Variants in CAMTA1 observed in about 807,000 individuals in gnomAD.
CAMTA1 encodes calmodulin binding transcription activator 1.
A neutral mutation model predicts 170.9 loss-of-function variants in CAMTA1; 27 were observed. The observed-to-expected ratio is 0.16, with a 90% CI of 0.12 to 0.22. CAMTA1 has a LOEUF of 0.22. Among genes scored for constraint, CAMTA1 ranks in the 10% least tolerant of loss-of-function variants. The probability of loss-of-function intolerance (pLI) is 1.00; values close to 1 mark genes in which losing one functional copy is unlikely to be tolerated. For missense variants in CAMTA1, 1,619 were observed against 2,217.2 expected (o/e 0.73, Z 5.42); for synonymous variants, 833 against 891.5 (o/e 0.93, Z 1.17).
chr1:7,734,833 T>C (rs1446938394), intron 12 of CAMTA1, among the ~76,000 whole-genome samples: 1 of 152,092 alleles, frequency 6.6e-6, no homozygotes, highest in East Asian at 1.9e-4. Flanking sequence ...TGGAGTTTAT[T>C]GCCAGAAAAA....
Position 7,737,312 on chromosome 1 carries a change from C to T in CAMTA1, c.3400C>T (p.Arg1134Cys), listed in dbSNP as rs759300229. 9.3e-6 allele frequency: 15 copies of T among 1,614,070 alleles called. No homozygotes were observed. The highest frequency in any genetic ancestry group is 5.0e-5 in the Admixed American group (3 of 60,002). ...EAAVVLYKWDRRAISIPDSLG... is the reference protein window; with the variant it reads ...EAAVVLYKWDCRAISIPDSLG... Reference sequence around the variant, plus strand: ...TGCCGTCGTGCTGTACAAGTGGGACCGTCGGGCCATCTCGATTCCCGACTC... The same window carrying T: ...TGCCGTCGTGCTGTACAAGTGGGACTGTCGGGCCATCTCGATTCCCGACTC... The change falls in exon 15 of 23, where the codon CGT becomes TGT. Residue 1134 changes from arginine to cysteine, a missense_variant. Arg to Cys is a radical substitution (Grantham distance 180, BLOSUM62 -3). This residue lies in a region of CAMTA1 where 60 missense variants were observed against 128.5 expected (regional missense o/e 0.47). Transcript: ENST00000303635.
chr1:7,726,862 C>T lies in CAMTA1; in HGVS notation c.2915-5586C>T, dbSNP rs896863101. Among the ~76,000 whole-genome samples, 4 of 152,214 alleles carry T rather than the reference C, an allele frequency of 2.6e-5. No individual in the cohort carries two copies. The East Asian group carries it at 7.7e-4, about 29-fold the overall frequency. ...CTTTCTTTGCGGGGACCTCTGGAGCCTCCTGTGGCCTTGAGCCACCTCTGA... is the reference window on the plus strand; with the variant it reads ...CTTTCTTTGCGGGGACCTCTGGAGCTTCCTGTGGCCTTGAGCCACCTCTGA... On this transcript the variant is annotated intron_variant, in intron 11 of 22. Coordinates refer to ENST00000303635, the MANE Select transcript of CAMTA1 (RefSeq NM_015215.4).
chr1:7,343,322 C>A (rs1001440794), intron 5 of CAMTA1, among the ~76,000 whole-genome samples: 2 of 152,102 alleles, frequency 1.3e-5, no homozygotes, highest in East Asian at 3.8e-4. Context: ...TCATGGCACA[C>A]GGGTGATTGA....
At chr1:7,348,781 C>T (rs1019784124) in intron 5 of CAMTA1, among the ~76,000 whole-genome samples, 6 of 152,152 alleles carry the variant, frequency 3.9e-5, no homozygotes, top group East Asian at 1.9e-4. Context: ...TGCCACAGTC[C>T]GTTAAGCATC....
chr1:6,976,176 A>G (rs757520647), intron 3 of CAMTA1, among the ~76,000 whole-genome samples: 2 of 152,224 alleles, frequency 1.3e-5, no homozygotes, highest in Admixed American at 6.5e-5. Context: ...CTGGAGGCAG[A>G]GGCCCCGCTG....
chr1:7,444,162 C>T (rs944962710), intron 5 of CAMTA1, among the ~76,000 whole-genome samples: 2 of 152,242 alleles, frequency 1.3e-5, no homozygotes, highest in African/African-American at 2.4e-5. Flanking sequence ...TTAAAGACCC[C>T]TTATTAAAAG....
chr1:7,765,842 T>C lies in CAMTA1; in HGVS notation c.4990-617T>C, dbSNP rs1577533176. Among the ~76,000 whole-genome samples the C allele has an allele frequency of 2.0e-5, 3 of 152,154 alleles. No individual in the cohort carries two copies. The South Asian group carries it at 6.2e-4, about 32-fold the overall frequency. On this transcript the variant is annotated intron_variant, in intron 22 of 22. Transcript: ENST00000303635. The stretch of plus-strand genomic sequence containing the variant: ...GAGATCGAAACCATCCTGGCTAACA[T>C]GGTGAAACCCTGTCTCTACTAAAAA...
chr1:7,469,307 G>A lies in CAMTA1; in HGVS notation c.510+1406G>A, dbSNP rs1436611804. ...CATGGGATGAGGCTTTTGGGGTCTTGTTACTAGGAATTGGTCCCAAGGTGT... is the reference window on the plus strand; with the variant it reads ...CATGGGATGAGGCTTTTGGGGTCTTATTACTAGGAATTGGTCCCAAGGTGT... On this transcript the variant is annotated intron_variant, in intron 6 of 22. Transcript: ENST00000303635. 1.3e-5 allele frequency among the ~76,000 whole-genome samples: 2 copies of A among 152,166 alleles called. 1 individual carries two copies. Among genetic ancestry groups the A allele is most frequent in the Non-Finnish European group, 2.9e-5 (2 of 68,032 alleles).
chr1:6,893,725 G>C (rs1675050258), intron 3 of CAMTA1, among the ~76,000 whole-genome samples: 1 of 152,180 alleles, frequency 6.6e-6, no homozygotes, highest in Non-Finnish European at 1.5e-5. Context: ...TCACTTAAGA[G>C]ACCCATAATC....
Position 7,044,624 on chromosome 1 carries a change from G to A in CAMTA1, c.235-46680G>A, listed in dbSNP as rs1221660562. ...CGCTGAAACAGGAGACGTCCTCTCCGACCTTGGAGACCTGGCATTTGGAGC... is the reference window on the plus strand; with the variant it reads ...CGCTGAAACAGGAGACGTCCTCTCCAACCTTGGAGACCTGGCATTTGGAGC... On this transcript the variant is annotated intron_variant, in intron 3 of 22. Transcript: ENST00000303635. The surrounding 1 kb of genome is among the most constrained non-coding windows in gnomAD (Gnocchi z 5.0). Among the ~76,000 whole-genome samples the A allele has an allele frequency of 2.0e-5, 3 of 152,262 alleles. No homozygotes were observed. The highest frequency in any genetic ancestry group is 2.1e-4 in the South Asian group (1 of 4,826).
intron 6 of CAMTA1, among the ~76,000 whole-genome samples, chr1:7,625,988 A>T (rs1458994015): frequency 6.6e-6 from 1 of 152,088 alleles, no homozygotes; most frequent in Non-Finnish European, 1.5e-5. Flanking sequence ...AAAAAGAAAA[A>T]CTGTATTTTC....
intron 6 of CAMTA1, among the ~76,000 whole-genome samples, chr1:7,582,535 G>A (rs151094400): frequency 0.013 from 1,986 of 152,202 alleles, 52 homozygotes; most frequent in African/African-American, 0.046. Context: ...ACACAGTCAA[G>A]GGCTAGTGTG....
At chr1:7,226,864 G>A (rs1483272209) in intron 4 of CAMTA1, among the ~76,000 whole-genome samples, 3 of 150,970 alleles carry the variant, frequency 2.0e-5, no homozygotes, top group African/African-American at 2.4e-5. Flanking sequence ...ATGGAGTCTC[G>A]CTCTGTCACC....
chr1:7,091,445 G>T, intron 4 of CAMTA1, 74 bp downstream of exon 4: 1 of 1,175,476 alleles, frequency 8.5e-7, no homozygotes, highest in Non-Finnish European at 1.3e-6. Flanking sequence ...ACCTGATTTG[G>T]CCAGTGAATT....
chr1:6,797,284 C>T (rs1642750331), intron 1 of CAMTA1, among the ~76,000 whole-genome samples: 1 of 152,120 alleles, frequency 6.6e-6, no homozygotes, highest in Non-Finnish European at 1.5e-5. Flanking sequence ...TGGTCTCATA[C>T]TACAGGGCTC....
intron 5 of CAMTA1, among the ~76,000 whole-genome samples, chr1:7,359,825 G>A (rs907392268): frequency 2.0e-5 from 3 of 152,178 alleles, no homozygotes; most frequent in Admixed American, 6.5e-5. Flanking sequence ...TGGGGTCTGC[G>A]TGGGGTTTTT....
chr1:7,575,290 C>G (rs1007572648), intron 6 of CAMTA1, among the ~76,000 whole-genome samples: 12 of 152,034 alleles, frequency 7.9e-5, no homozygotes, highest in Non-Finnish European at 7.3e-5. Flanking sequence ...TCCTCTACCC[C>G]ACACTGCCCC....
At chr1:7,601,629 A>G (rs900352250) in intron 6 of CAMTA1, among the ~76,000 whole-genome samples, 1 of 152,198 alleles carries the variant, frequency 6.6e-6, no homozygotes, top group African/African-American at 2.4e-5. Context: ...AGATCACGCC[A>G]CTGCACTCCA....
At chr1:7,548,519 G>C (rs1443170275) in intron 6 of CAMTA1, among the ~76,000 whole-genome samples, 1 of 147,206 alleles carries the variant, frequency 6.8e-6, no homozygotes, top group Non-Finnish European at 1.5e-5. Flanking sequence ...TGCTGGTGGA[G>C]GGTGCCCCCT....
Sources: gnomAD v4.1 joint callset for allele counts (sites outside exome capture counted in the v4.1 genomes callset) on GRCh38, gnomAD v4.1.1 for gene constraint, gnomAD v4.1.1 regional missense constraint, Gnocchi (gnomAD v3.1) non-coding constraint, MANE v1.5 for transcripts, NCBI Gene and HGNC (gene_info 2026-07-23, HGNC 2026-07-21) for gene names.